Variants in TAFA5 observed in about 807,000 individuals in gnomAD.
TAFA5 encodes chemokine-like protein TAFA-5.
Under a neutral mutation model 15.3 loss-of-function variants are expected in TAFA5, and 6 were observed. That is an observed-to-expected ratio of 0.39 (90% CI 0.21 to 0.77). The LOEUF (loss-of-function observed/expected upper bound fraction) is 0.77. Among genes scored for constraint, TAFA5 ranks in the 30% least tolerant of loss-of-function variants. The probability of loss-of-function intolerance (pLI) is 0.41; values close to 1 mark genes in which losing one functional copy is unlikely to be tolerated. For missense variants in TAFA5, 161 were observed against 193.1 expected, an observed-to-expected ratio of 0.83 and a Z score of 0.98; for synonymous variants, 103 against 80.7, an observed-to-expected ratio of 1.28 and a Z score of -1.48.
intron 3 of TAFA5, among the ~76,000 whole-genome samples, chr22:48,749,316 C>T (rs7286059): frequency 0.06 from 9,097 of 152,264 alleles, 361 homozygotes; most frequent in Admixed American, 0.089. Flanking sequence ...GATTGGGCAG[C>T]CACGGGAATG....
Position 48,576,824 on chromosome 22 carries a change from C to T in TAFA5, c.113-69773C>T, listed in dbSNP as rs528006458. ...GTCGGGGCGCGCTGCGTTCTCGGTG[C>T]CTCTGGCGCCGCCCCGGATCCCCAG... On this transcript the variant is annotated intron_variant, in intron 1 of 3. Transcript: ENST00000402357. 5.3e-5 allele frequency among the ~76,000 whole-genome samples: 8 copies of T among 151,884 alleles called. No homozygotes were observed. In the South Asian group the frequency reaches 1.0e-3, roughly 20 times the overall value.
intron 1 of TAFA5, among the ~76,000 whole-genome samples, chr22:48,536,733 AGCCACCCATGG>A (rs1289484944): frequency 6.6e-6 from 1 of 152,164 alleles, no homozygotes; most frequent in Admixed American, 6.5e-5. Context: ...CTTTGTTTGC[AGCCACCCATGG>A]GCACAGGCGG....
At chr22:48,731,254 T>C (rs898370199) in intron 3 of TAFA5, among the ~76,000 whole-genome samples, 9 of 152,236 alleles carry the variant, frequency 5.9e-5, no homozygotes, top group African/African-American at 1.7e-4. Flanking sequence ...CGTTGACTCA[T>C]GAGTGTTAAG....
At chr22:48,547,590 G>A (rs1174581671) in intron 1 of TAFA5, among the ~76,000 whole-genome samples, 4 of 152,156 alleles carry the variant, frequency 2.6e-5, no homozygotes, top group African/African-American at 4.8e-5. Context: ...GGGGAGAGCC[G>A]CTCGTGTTCA....
At chr22:48,568,277 T>C (rs765788312) in intron 1 of TAFA5, among the ~76,000 whole-genome samples, 1 of 152,262 alleles carries the variant, frequency 6.6e-6, no homozygotes, top group Non-Finnish European at 1.5e-5. Context: ...TGGTGGCCTT[T>C]CCTCTTCTGG....
chr22:48,583,127 C>T (rs554286446), intron 1 of TAFA5, among the ~76,000 whole-genome samples: 96 of 148,472 alleles, frequency 6.5e-4, no homozygotes, highest in African/African-American at 2.3e-3. Context: ...ACACATCACA[C>T]GCCACACACA....
At position 48,598,946 on chromosome 22, in the gene TAFA5, T is replaced by C. The variant is rs780708592; in HGVS notation, c.113-47651T>C. Among the ~76,000 whole-genome samples, 13 of 152,036 alleles carry C rather than the reference T, an allele frequency of 8.6e-5. No homozygotes were observed. The highest frequency in any genetic ancestry group is 7.2e-4 in the Admixed American group (11 of 15,280). ...CACAATCCTCAGGAAGCCCTTTGCT[T>C]ACCATTCCCTGCTTGTTGTAAAGGG... On this transcript the variant is annotated intron_variant, in intron 1 of 3. Coordinates refer to ENST00000402357, the MANE Select transcript of TAFA5 (RefSeq NM_001082967.3). This position sits in a 1 kb window ranked among gnomAD's most constrained non-coding sequence, Gnocchi z 4.0.
rs779267667 is a variant in TAFA5, at chr22:48,645,481, AG to A, written c.113-1111del. 1.1e-3 allele frequency among the ~76,000 whole-genome samples: 172 copies of A among 152,116 alleles called. 1 individual carries two copies. Among genetic ancestry groups the A allele is most frequent in the South Asian group, 4.8e-3 (23 of 4,802 alleles). The stretch of plus-strand genomic sequence containing the variant: ...TCTCCTTGGAATTTAGGGGATGCGG[AG>A]GGGGCAGTGAGGAAAGCCAGGGAAA... On this transcript the variant is annotated intron_variant, in intron 1 of 3. Coordinates refer to ENST00000402357, the MANE Select transcript of TAFA5 (RefSeq NM_001082967.3).
intron 1 of TAFA5, among the ~76,000 whole-genome samples, chr22:48,593,496 A>G (rs1281637059): frequency 1.1e-4 from 17 of 149,774 alleles, no homozygotes; most frequent in African/African-American, 3.7e-4. Context: ...CTCAGGGCAC[A>G]GGACTGATGG....
At chr22:48,748,414 C>T (rs967372486) in intron 3 of TAFA5, among the ~76,000 whole-genome samples, 11 of 152,222 alleles carry the variant, frequency 7.2e-5, no homozygotes, top group African/African-American at 2.7e-4. Context: ...AGGAGACACA[C>T]CAGCTGTGAC....
chr22:48,611,274 G>A (rs1015093878), intron 1 of TAFA5, among the ~76,000 whole-genome samples: 6 of 152,322 alleles, frequency 3.9e-5, no homozygotes, highest in Admixed American at 6.5e-5. Flanking sequence ...GCGGCAGACC[G>A]CGAAATACAG....
rs130233 is a variant in TAFA5, at chr22:48,747,895, T to TA, written c.391-1923dup. ...CTGGGTAGCAGAGCAAGACTCTGTCTAAAAAAAAAAAAAAAAAAAAAGAAT... is the reference window on the plus strand; with the variant it reads ...CTGGGTAGCAGAGCAAGACTCTGTCTAAAAAAAAAAAAAAAAAAAAAAGAAT... On this transcript the variant is annotated intron_variant, in intron 3 of 3. Coordinates refer to ENST00000402357, the MANE Select transcript of TAFA5 (RefSeq NM_001082967.3). 1.4e-3 allele frequency among the ~76,000 whole-genome samples: 166 copies of TA among 121,584 alleles called. 1 individual carries two copies. Among genetic ancestry groups the TA allele is most frequent in the South Asian group, 3.1e-3 (11 of 3,570 alleles). The allele number at this position is 121,584 out of a possible 152,430, so 79.8% of individuals were successfully genotyped here. A position where few individuals can be genotyped will look rare whatever the true frequency, so the allele number is the denominator to read the frequency against.
chr22:48,711,309 G>A (rs143920013), intron 3 of TAFA5, among the ~76,000 whole-genome samples: 2 of 152,178 alleles, frequency 1.3e-5, no homozygotes, highest in Non-Finnish European at 1.5e-5. Context: ...CTCTCAGCCT[G>A]TGCCTCATGT....
chr22:48,693,762 A>G (rs1004048130), intron 2 of TAFA5, among the ~76,000 whole-genome samples: 62 of 152,094 alleles, frequency 4.1e-4, no homozygotes, highest in African/African-American at 1.2e-3. Flanking sequence ...CCAACCCTCC[A>G]GCCTACCCTG....
At chr22:48,713,009 C>T (rs1051742139) in intron 3 of TAFA5, among the ~76,000 whole-genome samples, 2 of 152,222 alleles carry the variant, frequency 1.3e-5, no homozygotes, top group African/African-American at 4.8e-5. Context: ...GTTTGCTCAG[C>T]CACGTTTTTG....
chr22:48,693,998 C>T (rs1569082241), intron 2 of TAFA5, among the ~76,000 whole-genome samples: 1 of 152,148 alleles, frequency 6.6e-6, no homozygotes, highest in African/African-American at 2.4e-5. Flanking sequence ...GTCGGCTTCT[C>T]CTCTTTCTTC....
At chr22:48,584,948 T>TCACACA (rs1021776662) in intron 1 of TAFA5, among the ~76,000 whole-genome samples, 1 of 102,464 alleles carries the variant, frequency 9.8e-6, no homozygotes, top group African/African-American at 4.2e-5. Context: ...TGCACTGATA[T>TCACACA]CACACACACA....
At chr22:48,525,193 C>G (rs984280131) in intron 1 of TAFA5, among the ~76,000 whole-genome samples, 1 of 152,184 alleles carries the variant, frequency 6.6e-6, no homozygotes, top group Non-Finnish European at 1.5e-5. Context: ...TGTAGGGTGA[C>G]CCGGTGACCC....
rs1927226473 is a variant in TAFA5 at position 48,655,894 on chromosome 22, C to CA, written c.262+9149dup. ...TCGCTCTGTTACCCAGGCTGGAGTG[C>CA]AGTGGCGCGATCTCAGCTCACTGCA... is the stretch of plus-strand genomic sequence containing the variant. On this transcript the variant is annotated intron_variant, in intron 2 of 3. Transcript: ENST00000402357. Among the ~76,000 whole-genome samples the CA allele has an allele frequency of 3.1e-5, 4 of 129,632 alleles. 1 individual carries two copies. In the Admixed American group the frequency reaches 3.7e-4, roughly 12 times the overall value. 85.0% of individuals were successfully genotyped at this position (129,632 alleles called of 152,430 possible). A position where few individuals can be genotyped will look rare whatever the true frequency, so the allele number is the denominator to read the frequency against.
Sources: allele counts gnomAD v4.1 joint callset (sites outside exome capture counted in the v4.1 genomes callset), GRCh38; gene constraint gnomAD v4.1.1; non-coding constraint Gnocchi (gnomAD v3.1); transcripts MANE v1.5; gene names NCBI Gene and HGNC (gene_info 2026-07-23, HGNC 2026-07-21).